Variants in ZRANB3 observed in about 807,000 individuals in gnomAD.
ZRANB3 encodes the protein DNA annealing helicase and endonuclease ZRANB3.
ZRANB3 carries 125 observed loss-of-function variants against 133.8 expected under a neutral mutation model. That is an observed-to-expected ratio of 0.93 (90% CI 0.81 to 1.08). The LOEUF is 1.08. Among genes scored for constraint, ZRANB3 ranks in the 50% least tolerant of loss-of-function variants. ZRANB3 has a pLI of 0.00. For missense variants in ZRANB3, 1,229 were observed against 1,275.5 expected (o/e 0.96, Z 0.56); for synonymous variants, 387 against 432.7 (o/e 0.89, Z 1.31).
chr2:135,404,186 A>G (rs1343410281), intron 2 of ZRANB3, among the ~76,000 whole-genome samples: 2 of 152,190 alleles, frequency 1.3e-5, no homozygotes, highest in East Asian at 3.9e-4. Context: ...CCCATGGCAA[A>G]TAAGTCAAAA....
intron 2 of ZRANB3, among the ~76,000 whole-genome samples, chr2:135,489,046 C>A (rs1692257232): frequency 6.6e-6 from 1 of 151,482 alleles, no homozygotes; most frequent in South Asian, 2.1e-4. Flanking sequence ...TTGCTCTAGC[C>A]CATACTGTTT....
chr2:135,410,396 T>C (rs558471257), intron 2 of ZRANB3, among the ~76,000 whole-genome samples: 2 of 152,282 alleles, frequency 1.3e-5, no homozygotes, highest in African/African-American at 2.4e-5. Context: ...AAGGACTCTA[T>C]ATTCAATAAA....
intron 2 of ZRANB3, among the ~76,000 whole-genome samples, chr2:135,399,131 T>C (rs1045519877): frequency 1.2e-4 from 18 of 152,200 alleles, no homozygotes; most frequent in African/African-American, 4.3e-4. Flanking sequence ...TACATGTACA[T>C]GGACCAACAG....
intron 3 of ZRANB3, among the ~76,000 whole-genome samples, chr2:135,369,377 TA>T (rs1204616520): frequency 6.6e-6 from 1 of 152,148 alleles, no homozygotes; most frequent in African/African-American, 2.4e-5. Flanking sequence ...GTTTCTAAAT[TA>T]ATGTTTAAAA....
chr2:135,315,695 TG>T, intron 6 of ZRANB3, among the ~76,000 whole-genome samples, 165 bp from the exon 7 acceptor site: 1 of 152,308 alleles, frequency 6.6e-6, no homozygotes, highest in Non-Finnish European at 1.5e-5. Flanking sequence ...AAAACAGTAA[TG>T]AATAAGATTT....
intron 2 of ZRANB3, among the ~76,000 whole-genome samples, chr2:135,441,952 C>T (rs557629891): frequency 2.0e-5 from 3 of 152,012 alleles, no homozygotes; most frequent in African/African-American, 4.8e-5. Flanking sequence ...AAGACAAATC[C>T]GAAATGAGGG....
At chr2:135,364,307 A>G (rs1685828182) in intron 3 of ZRANB3, among the ~76,000 whole-genome samples, 1 of 152,222 alleles carries the variant, frequency 6.6e-6, no homozygotes, top group Non-Finnish European at 1.5e-5. Context: ...TAAAAACACG[A>G]AAAACACTTC....
intron 1 of ZRANB3, chr2:135,511,980 A>G (rs1025740392): frequency 9.9e-6 from 7 of 707,634 alleles, no homozygotes; most frequent in Admixed American, 1.9e-5. Flanking sequence ...AAAAAGTCAA[A>G]TATGTCCAAA....
At chr2:135,348,405 C>A (rs1489649615) in intron 5 of ZRANB3, among the ~76,000 whole-genome samples, 1 of 151,906 alleles carries the variant, frequency 6.6e-6, no homozygotes, top group African/African-American at 2.4e-5. Flanking sequence ...TCATCAGGAC[C>A]CACAAAATTG....
intron 2 of ZRANB3, among the ~76,000 whole-genome samples, chr2:135,427,406 C>T (rs568010636): frequency 8.8e-4 from 134 of 152,176 alleles, no homozygotes; most frequent in South Asian, 2.3e-3. Context: ...AACAGCATTT[C>T]TATACACAAA....
chr2:135,265,800 G>A (rs1326317227), intron 11 of ZRANB3, 114 bp from the exon 12 acceptor site: 10 of 1,100,152 alleles, frequency 9.1e-6, no homozygotes, highest in Non-Finnish European at 1.3e-5. Context: ...AAATCTTACT[G>A]TTCCAACATA....
intron 2 of ZRANB3, among the ~76,000 whole-genome samples, chr2:135,465,075 GA>G (rs1690924948): frequency 6.6e-6 from 1 of 152,182 alleles, no homozygotes. Context: ...GTTGAGAAAT[GA>G]AATGGTATAC....
chr2:135,258,912 G>A (rs975672098), intron 12 of ZRANB3, among the ~76,000 whole-genome samples: 1 of 152,136 alleles, frequency 6.6e-6, no homozygotes, highest in African/African-American at 2.4e-5. Context: ...AGGAAAAAAA[G>A]TTTATTTTTT....
At chr2:135,484,695 T>A (rs988090590) in intron 2 of ZRANB3, among the ~76,000 whole-genome samples, 1 of 150,628 alleles carries the variant, frequency 6.6e-6, no homozygotes, top group Admixed American at 6.6e-5. Flanking sequence ...TCTTGGTTTT[T>A]AAATATTTAA....
At chr2:135,447,918 C>T (rs1056313547) in intron 2 of ZRANB3, among the ~76,000 whole-genome samples, 3 of 152,058 alleles carry the variant, frequency 2.0e-5, no homozygotes, top group African/African-American at 7.2e-5. Flanking sequence ...AAGCCATATT[C>T]TTTTTATTTT....
rs1327916145 is a variant in ZRANB3, at chr2:135,269,118, A to G, written c.1230T>C (p.Ser410=). The change falls in exon 11 of 21, where the codon AGT becomes AGC. Residue 410 remains serine, a synonymous_variant. Transcript: ENST00000264159. Reference sequence around the variant, plus strand: ...AGTACAACTCAGCAAATACAACATGACTTGCTGCAGTAAATGTTAATCCCT... The same window carrying G: ...AGTACAACTCAGCAAATACAACATGGCTTGCTGCAGTAAATGTTAATCCCT... ...AGQGLTFTAA[S]HVVFAELYWD... 6 of 1,603,266 alleles carry G rather than the reference A, an allele frequency of 3.7e-6. No homozygotes were observed. The highest frequency in any genetic ancestry group is 1.3e-5 in the African/African-American group (1 of 74,396).
chr2:135,200,213 G>A lies in ZRANB3; in HGVS notation c.*129C>T. Reference sequence around the variant, plus strand: ...TTAATACTAAAAGTAATTAGTAGAAGAGAATTTGAATTCTTGATTTTTGTT... The same window carrying A: ...TTAATACTAAAAGTAATTAGTAGAAAAGAATTTGAATTCTTGATTTTTGTT... On this transcript the variant is annotated 3_prime_UTR_variant, in exon 21 of 21. Coordinates refer to ENST00000264159, the MANE Select transcript of ZRANB3 (RefSeq NM_032143.4). 5.4e-6 allele frequency: 4 copies of A among 734,598 alleles called. No homozygotes were observed. Among genetic ancestry groups the A allele is most frequent in the Non-Finnish European group, 9.2e-6 (4 of 433,154 alleles). The allele number at this position is 734,598 out of a possible 1,614,324, so 45.5% of individuals were successfully genotyped here.
rs571850379 is a variant in ZRANB3, at chr2:135,199,001, T to A, written c.*1341A>T. ...TTTTGGGAATGTAATTCTTCCTCGG[T>A]CCTGTATTTTGTATAGTTCTGACTC... On this transcript the variant is annotated 3_prime_UTR_variant, in exon 21 of 21. Coordinates refer to ENST00000264159, the MANE Select transcript of ZRANB3 (RefSeq NM_032143.4). 6.6e-6 allele frequency: 1 copy of A among 152,332 alleles called. No individual in the cohort carries two copies. Among genetic ancestry groups the A allele is most frequent in the Admixed American group, 6.5e-5 (1 of 15,308 alleles). 9.4% of individuals were successfully genotyped at this position (152,332 alleles called of 1,614,324 possible).
At chr2:135,414,244 A>T (rs1688448577) in intron 2 of ZRANB3, among the ~76,000 whole-genome samples, 1 of 152,148 alleles carries the variant, frequency 6.6e-6, no homozygotes. Flanking sequence ...GCTCAAAATA[A>T]AAGGATGGAG....
Sources: allele counts gnomAD v4.1 joint callset (sites outside exome capture counted in the v4.1 genomes callset), GRCh38; gene constraint gnomAD v4.1.1; transcripts MANE v1.5; gene names NCBI Gene and HGNC (gene_info 2026-07-23, HGNC 2026-07-21).